IFT74: variants seen among roughly 807,000 people sequenced by gnomAD.
IFT74 encodes intraflagellar transport protein 74 homolog.
Under a neutral mutation model 96.7 loss-of-function variants are expected in IFT74, and 92 were observed. That is an observed-to-expected ratio of 0.95 (90% CI 0.80 to 1.13). IFT74 has a LOEUF of 1.13. Among genes scored for constraint, IFT74 ranks in the 50% most tolerant of loss-of-function variants. The pLI is 0.00. For missense variants in IFT74, 811 were observed against 698.2 expected (o/e 1.16, Z -1.82); for synonymous variants, 223 against 213.2 (o/e 1.05, Z -0.40).
At chr9:27,046,296 TC>T (rs1819701010) in intron 14 of IFT74, among the ~76,000 whole-genome samples, 1 of 152,178 alleles carries the variant, frequency 6.6e-6, no homozygotes, top group Non-Finnish European at 1.5e-5. Context: ...ACCACCATAT[TC>T]AAATAAAAAA....
At chr9:27,060,554 A>G in intron 18 of IFT74, 37 bp from the exon 19 acceptor site, 6 of 1,385,586 alleles carry the variant, frequency 4.3e-6, no homozygotes, top group East Asian at 2.4e-5. Flanking sequence ...TGTTTTAAAT[A>G]TGGGTCCTAA....
At position 27,036,319 on chromosome 9, in the gene IFT74, G is replaced by C; in HGVS notation, c.1054+7215G>C. On this transcript the variant is annotated intron_variant, in intron 13 of 19. Transcript: ENST00000380062. Reference sequence around the variant, plus strand: ...GGGTCAACTGTATTTCCCAGAGAATGTATATTTAGAAAATTGGGTGAAACC... The same window carrying C: ...GGGTCAACTGTATTTCCCAGAGAATCTATATTTAGAAAATTGGGTGAAACC... 9 of 1,268,546 alleles carry C rather than the reference G, an allele frequency of 7.1e-6. No individual in the cohort carries two copies. In the South Asian group the frequency reaches 1.5e-4, roughly 21 times the overall value. The allele number at this position is 1,268,546 out of a possible 1,614,324, so 78.6% of individuals were successfully genotyped here. A position where few individuals can be genotyped will look rare whatever the true frequency, so the allele number is the denominator to read the frequency against.
chr9:27,026,245 T>A (rs1829855243), intron 12 of IFT74, among the ~76,000 whole-genome samples: 1 of 152,212 alleles, frequency 6.6e-6, no homozygotes, highest in African/African-American at 2.4e-5. Context: ...AAGGACATTA[T>A]GTAATGATAA....
chr9:26,988,273 C>A (rs1285711342), intron 6 of IFT74, among the ~76,000 whole-genome samples: 1 of 152,080 alleles, frequency 6.6e-6, no homozygotes, highest in Non-Finnish European at 1.5e-5. Flanking sequence ...ATTTGTAAAT[C>A]TACTAACATT....
At chr9:27,025,460 A>G (rs183503576) in intron 12 of IFT74, among the ~76,000 whole-genome samples, 14,372 of 146,244 alleles carry the variant, frequency 0.098, 962 homozygotes, top group South Asian at 0.25. Flanking sequence ...AAAAAAAAAA[A>G]AAAGAAAAGA....
At chr9:26,997,609 C>T in intron 8 of IFT74, 1 of 1,068,326 alleles carries the variant, frequency 9.4e-7, no homozygotes. Context: ...GATGGGATTA[C>T]AGGCATGAGC....
At chr9:26,991,500 G>A (rs1232633537) in intron 8 of IFT74, among the ~76,000 whole-genome samples, 1 of 152,144 alleles carries the variant, frequency 6.6e-6, no homozygotes, top group African/African-American at 2.4e-5. Context: ...GATTACAGGA[G>A]TGAACCATTA....
At chr9:27,042,960 A>G (rs1309331069) in intron 13 of IFT74, among the ~76,000 whole-genome samples, 1 of 152,236 alleles carries the variant, frequency 6.6e-6, no homozygotes, top group Non-Finnish European at 1.5e-5. Flanking sequence ...GTGTGTATAT[A>G]TATAAACACA....
At chr9:26,980,064 T>C (rs1827303503) in intron 3 of IFT74, among the ~76,000 whole-genome samples, 1 of 152,138 alleles carries the variant, frequency 6.6e-6, no homozygotes, top group Non-Finnish European at 1.5e-5. Flanking sequence ...TCTTAAAAAG[T>C]CTCTGAGACA....
intron 2 of IFT74, among the ~76,000 whole-genome samples, chr9:26,963,336 A>C (rs966055993): frequency 1.3e-5 from 2 of 151,824 alleles, no homozygotes; most frequent in African/African-American, 4.8e-5. Context: ...TATGTGCCAC[A>C]TTTTCTTAAT....
chr9:26,969,336 G>A (rs1354670075), intron 2 of IFT74, among the ~76,000 whole-genome samples: 1 of 151,304 alleles, frequency 6.6e-6, no homozygotes, highest in Admixed American at 6.6e-5. Context: ...TTATCTTCTT[G>A]TCTTTTTTTT....
At chr9:26,978,043 A>T (rs1827199512) in intron 2 of IFT74, 85 bp from the exon 3 acceptor site, 7 of 1,250,000 alleles carry the variant, frequency 5.6e-6, no homozygotes, top group Admixed American at 3.1e-5. Flanking sequence ...TTGTTTTTTT[A>T]AAAAATTGTC....
intron 11 of IFT74, among the ~76,000 whole-genome samples, chr9:27,018,268 T>C (rs1301350026): frequency 6.6e-6 from 1 of 152,220 alleles, no homozygotes; most frequent in African/African-American, 2.4e-5. Flanking sequence ...GTATTCACTA[T>C]TTATCTGAAA....
chr9:26,984,308 A>G lies in IFT74; in HGVS notation c.357A>G (p.Ile119Met). The G allele has an allele frequency of 7.6e-6, 12 of 1,582,362 alleles. No individual in the cohort carries two copies. The highest frequency in any genetic ancestry group is 1.0e-5 in the Non-Finnish European group (12 of 1,163,088). Residue 119 changes from isoleucine (I) to methionine (M), a missense_variant, in exon 5 of 20, where the codon ATA (isoleucine) becomes ATG (methionine). By Grantham distance (10) the Ile-to-Met change is conservative (BLOSUM62 1). Coordinates refer to ENST00000380062, the MANE Select transcript of IFT74 (RefSeq NM_025103.4). ...AAGTTAATAAACTTCAGAAGGGAAT[A>G]GAAATGTACAATCAAGAGAATTCAG... Reference protein sequence around the residue: ...TTEVNKLQKGIEMYNQENSVY... With the variant: ...TTEVNKLQKGMEMYNQENSVY...
At chr9:27,005,648 C>T (rs538335699) in intron 8 of IFT74, 4 of 151,014 alleles carry the variant, frequency 2.6e-5, no homozygotes, top group Non-Finnish European at 2.9e-5. Context: ...TCTGTTTCAA[C>T]GGCATTAAAA....
intron 2 of IFT74, among the ~76,000 whole-genome samples, chr9:26,970,132 C>T (rs1049576762): frequency 1.4e-4 from 21 of 152,142 alleles, no homozygotes; most frequent in Admixed American, 8.5e-4. Flanking sequence ...TTCTTTCCTT[C>T]GCATTGACTT....
rs200283942 is a variant in IFT74 at position 27,009,035 on chromosome 9, C to A, written c.603C>A (p.Ile201=). 1.2e-6 allele frequency: 2 copies of A among 1,612,036 alleles called. No individual in the cohort carries two copies. Among genetic ancestry groups the A allele is most frequent in the Non-Finnish European group, 8.5e-7 (1 of 1,178,860 alleles). The change falls in exon 9 of 20, where the codon ATC becomes ATA. Residue 201 remains isoleucine, a synonymous_variant. Coordinates refer to ENST00000380062, the MANE Select transcript of IFT74 (RefSeq NM_025103.4). ...FTERQAKEKQ[I]RSVEEEIEQE... ...CTGATTTTAGGAAAGAAAAACAAAT[C>A]AGAAGTGTCGAAGAAGAAATTGAAC...
At chr9:27,010,963 T>G (rs1829037793) in intron 9 of IFT74, among the ~76,000 whole-genome samples, 1 of 152,244 alleles carries the variant, frequency 6.6e-6, no homozygotes. Context: ...GATTATAGTT[T>G]TAGTTTCTTA....
At chr9:26,956,690 G>T (rs1334392762) in intron 1 of IFT74, among the ~76,000 whole-genome samples, 174 bp downstream of exon 1, 1 of 152,184 alleles carries the variant, frequency 6.6e-6, no homozygotes, top group Non-Finnish European at 1.5e-5. Flanking sequence ...CGAAGGTTGC[G>T]AACAGACCTC....
Sources: allele counts gnomAD v4.1 joint callset (sites outside exome capture counted in the v4.1 genomes callset), GRCh38; gene constraint gnomAD v4.1.1; transcripts MANE v1.5; gene names NCBI Gene and HGNC (gene_info 2026-07-23, HGNC 2026-07-21).